The following SAMD4A variants were observed in gnomAD, a reference collection of about 807,000 sequenced individuals.
SAMD4A encodes the protein sterile alpha motif domain containing 4A.
In SAMD4A, 33 loss-of-function variants were observed where a neutral mutation model predicts 81.3. The ratio of observed to expected loss-of-function variants is 0.41; its 90% confidence interval spans 0.31 to 0.54. SAMD4A has a LOEUF of 0.54. Among genes scored for constraint, SAMD4A ranks in the 20% least tolerant of loss-of-function variants. The pLI is 0.37. For missense variants in SAMD4A, 854 were observed against 951.1 expected (o/e 0.90, Z 1.34); for synonymous variants, 389 against 382.1 (o/e 1.02, Z -0.21).
At chr14:54,633,923 G>T (rs1049357078) in intron 2 of SAMD4A, among the ~76,000 whole-genome samples, 4 of 151,716 alleles carry the variant, frequency 2.6e-5, no homozygotes, top group Admixed American at 6.6e-5. Context: ...GGATCTTCTT[G>T]TCTGTCTTAT....
At position 54,790,155 on chromosome 14, in the gene SAMD4A, CCTGGAGG is replaced by C. The variant is rs1023873653; in HGVS notation, c.*1215_*1221del. On this transcript the variant is annotated 3_prime_UTR_variant, in exon 13 of 13. Coordinates refer to ENST00000554335, the MANE Select transcript of SAMD4A (RefSeq NM_015589.6). ...TTAGGGTTGCTTGTAGGAACTGGAG[CCTGGAGG>C]CTGCATCTACTTCACCTGTCACTGC... 1 of 152,134 alleles carries C rather than the reference CCTGGAGG, an allele frequency of 6.6e-6. No individual in the cohort carries two copies. Among genetic ancestry groups the C allele is most frequent in the African/African-American group, 2.4e-5 (1 of 41,396 alleles). The allele number at this position is 152,134 out of a possible 1,614,324, so 9.4% of individuals were successfully genotyped here. A position where few individuals can be genotyped will look rare whatever the true frequency, so the allele number is the denominator to read the frequency against.
chr14:54,679,696 TAGG>T (rs760089099), intron 2 of SAMD4A, among the ~76,000 whole-genome samples: 5 of 152,162 alleles, frequency 3.3e-5, no homozygotes, highest in Non-Finnish European at 5.9e-5. Flanking sequence ...GTATTTTTAA[TAGG>T]AGGAAACTGA....
At chr14:54,691,811 C>T (rs2036450955) in intron 2 of SAMD4A, among the ~76,000 whole-genome samples, 1 of 152,224 alleles carries the variant, frequency 6.6e-6, no homozygotes, top group Non-Finnish European at 1.5e-5. Context: ...GGTCACCCAA[C>T]TCTGTCCTTG....
Position 54,789,023 on chromosome 14 carries a change from C to T in SAMD4A, c.*79C>T. 1 of 1,492,640 alleles carries T rather than the reference C, an allele frequency of 6.7e-7. No individual in the cohort carries two copies. Among genetic ancestry groups the T allele is most frequent in the Non-Finnish European group, 9.3e-7 (1 of 1,069,820 alleles). The allele number at this position is 1,492,640 out of a possible 1,614,324, so 92.5% of individuals were successfully genotyped here. On this transcript the variant is annotated 3_prime_UTR_variant, in exon 13 of 13. Coordinates refer to ENST00000554335, the MANE Select transcript of SAMD4A (RefSeq NM_015589.6). ...AGTGTCCGCCATCTTCAGGGTTGCACAGAATCCTCCAAGATACTTTGCAGC... is the reference window on the plus strand; with the variant it reads ...AGTGTCCGCCATCTTCAGGGTTGCATAGAATCCTCCAAGATACTTTGCAGC...
At chr14:54,633,595 G>T (rs529798616) in intron 2 of SAMD4A, among the ~76,000 whole-genome samples, 6 of 152,116 alleles carry the variant, frequency 3.9e-5, no homozygotes, top group African/African-American at 1.4e-4. Context: ...AGGGGGTAGT[G>T]GGGATGGAGG....
intron 2 of SAMD4A, among the ~76,000 whole-genome samples, chr14:54,619,417 G>A (rs950765632): frequency 6.6e-6 from 1 of 152,116 alleles, no homozygotes; most frequent in Admixed American, 6.5e-5. Context: ...CACATAGCAG[G>A]TGTTTTTTCC....
chr14:54,730,420 C>T (rs185194967), intron 3 of SAMD4A, among the ~76,000 whole-genome samples: 32 of 152,320 alleles, frequency 2.1e-4, no homozygotes, highest in African/African-American at 6.5e-4. Context: ...AAGTGTGTGG[C>T]TTCCTCCTTG....
In SAMD4A at chr14:54,567,733, C is replaced by A. The variant is rs1008726180; in HGVS notation, c.-184C>A. 19 of 555,120 alleles carry A rather than the reference C, an allele frequency of 3.4e-5. No homozygotes were observed. Among genetic ancestry groups the A allele is most frequent in the Non-Finnish European group, 5.3e-5 (17 of 322,126 alleles). The allele number at this position is 555,120 out of a possible 1,614,324, so 34.4% of individuals were successfully genotyped here. On this transcript the variant is annotated 5_prime_UTR_variant, in exon 2 of 13. Coordinates refer to ENST00000554335, the MANE Select transcript of SAMD4A (RefSeq NM_015589.6). The stretch of plus-strand genomic sequence containing the variant: ...GGGAAATCAGCCAGAACCACCGGAA[C>A]GTAACTGAAACCAGACAAGAGAGGC...
At chr14:54,584,194 G>C (rs543608533) in intron 2 of SAMD4A, among the ~76,000 whole-genome samples, 26 of 152,306 alleles carry the variant, frequency 1.7e-4, no homozygotes, top group East Asian at 1.2e-3. Context: ...ACTGAAATTT[G>C]ATTCAAATAA....
intron 2 of SAMD4A, among the ~76,000 whole-genome samples, chr14:54,644,696 T>C (rs961975449): frequency 6.6e-6 from 1 of 152,236 alleles, no homozygotes; most frequent in East Asian, 1.9e-4. Context: ...TGGAGTTATG[T>C]TTTTGTAAAA....
intron 2 of SAMD4A, among the ~76,000 whole-genome samples, chr14:54,612,167 C>T (rs1400901277): frequency 1.3e-5 from 2 of 152,124 alleles, no homozygotes; most frequent in African/African-American, 4.8e-5. Flanking sequence ...AAAATAACAA[C>T]TAAAAATTTA....
chr14:54,695,990 G>T (rs867373816), intron 2 of SAMD4A, among the ~76,000 whole-genome samples: 14 of 151,946 alleles, frequency 9.2e-5, no homozygotes, highest in African/African-American at 3.4e-4. Flanking sequence ...GAAAATAGGG[G>T]GAGGGTTTAT....
At chr14:54,665,808 C>A (rs1033933963) in intron 2 of SAMD4A, among the ~76,000 whole-genome samples, 6 of 152,118 alleles carry the variant, frequency 3.9e-5, no homozygotes, top group Admixed American at 6.6e-5. Context: ...TGACTTAAAC[C>A]CAGAACAGAT....
intron 11 of SAMD4A, 101 bp downstream of exon 11, chr14:54,776,641 G>A: frequency 2.3e-6 from 3 of 1,296,102 alleles, no homozygotes; most frequent in South Asian, 3.7e-5. Flanking sequence ...CTGTCACCGT[G>A]CATTCTTTGG....
chr14:54,717,834 T>C lies in SAMD4A; in HGVS notation c.715+15254T>C, dbSNP rs146154989. Among the ~76,000 whole-genome samples, 98 of 150,858 alleles carry C rather than the reference T, an allele frequency of 6.5e-4. 1 individual carries two copies. The East Asian group carries it at 0.018, about 28-fold the overall frequency. The stretch of plus-strand genomic sequence containing the variant: ...CGCTGTTGTTCAGGAATGAGTATTG[T>C]CAATACTCAGAAAAAGGAGATGTCT... On this transcript the variant is annotated intron_variant, in intron 3 of 12. Transcript: ENST00000554335.
chr14:54,768,050 G>A (rs2038598829), intron 8 of SAMD4A, among the ~76,000 whole-genome samples: 1 of 152,206 alleles, frequency 6.6e-6, no homozygotes, highest in African/African-American at 2.4e-5. Context: ...CTGTAATGAT[G>A]TCTTAGGAAG....
chr14:54,754,997 A>G (rs1011713735), intron 6 of SAMD4A: 11 of 271,784 alleles, frequency 4.0e-5, no homozygotes, highest in Non-Finnish European at 5.7e-5. Context: ...GATCGATGTC[A>G]TCACCATAGC....
intron 3 of SAMD4A, among the ~76,000 whole-genome samples, chr14:54,726,857 G>A (rs1248802235): frequency 1.3e-5 from 2 of 152,160 alleles, no homozygotes; most frequent in Admixed American, 1.3e-4. Context: ...TCACAAGATG[G>A]AAGGTGGAGT....
At chr14:54,786,432 G>A (rs2039142620) in intron 12 of SAMD4A, among the ~76,000 whole-genome samples, 1 of 152,240 alleles carries the variant, frequency 6.6e-6, no homozygotes, top group Non-Finnish European at 1.5e-5. Flanking sequence ...CTTTCAAAGG[G>A]TGCAATTTAT....
Sources: allele counts gnomAD v4.1 joint callset (sites outside exome capture counted in the v4.1 genomes callset), GRCh38; gene constraint gnomAD v4.1.1; transcripts MANE v1.5; gene names NCBI Gene and HGNC (gene_info 2026-07-23, HGNC 2026-07-21).